KDM2A: variants seen among roughly 807,000 people sequenced by gnomAD.
KDM2A encodes the protein lysine demethylase 2A.
Under a neutral mutation model 137.3 loss-of-function variants are expected in KDM2A, and 3 were observed. The ratio of observed to expected loss-of-function variants is 0.02; its 90% CI spans 0.01 to 0.06. The LOEUF (loss-of-function observed/expected upper bound fraction) is 0.06, where lower values mean the gene tolerates loss of function less well. Ranked by LOEUF, KDM2A falls within the 10% of genes least tolerant of loss-of-function variation. The pLI, the probability that KDM2A is intolerant of heterozygous loss-of-function variation, is 1.00. For missense variants in KDM2A, 738 were observed against 1,510.6 expected (o/e 0.49, Z 8.48); for synonymous variants, 512 against 541.5 (o/e 0.95, Z 0.76).
intron 17 of KDM2A, chr11:67,252,343 C>A (rs1439614230): frequency 6.7e-6 from 2 of 296,548 alleles, no homozygotes; most frequent in Non-Finnish European, 1.3e-5. Flanking sequence ...CCCTTATATA[C>A]ACTTCAGCAG....
At chr11:67,151,437 A>G (rs1049164885) in intron 2 of KDM2A, among the ~76,000 whole-genome samples, 3 of 151,550 alleles carry the variant, frequency 2.0e-5, no homozygotes, top group African/African-American at 4.9e-5. Context: ...CTGGAGTGCA[A>G]TGGTGCCATC....
chr11:67,220,849 T>G (rs949263215), intron 10 of KDM2A, among the ~76,000 whole-genome samples: 1 of 152,132 alleles, frequency 6.6e-6, no homozygotes, highest in Admixed American at 6.5e-5. Context: ...TTCAGATAAC[T>G]TTAACATGTC....
chr11:67,167,454 G>A (rs1856771151), intron 2 of KDM2A, among the ~76,000 whole-genome samples: 1 of 152,152 alleles, frequency 6.6e-6, no homozygotes, highest in Non-Finnish European at 1.5e-5. Flanking sequence ...GTCAGGGTAA[G>A]TGTATCCCGA....
intron 2 of KDM2A, among the ~76,000 whole-genome samples, chr11:67,147,583 C>A (rs1456467762): frequency 6.6e-6 from 1 of 151,260 alleles, no homozygotes; most frequent in African/African-American, 2.4e-5. Context: ...ATTTCAAGAG[C>A]CAGTGAACCT....
chr11:67,121,111 T>G (rs1222924323), intron 1 of KDM2A, 123 bp from the exon 2 acceptor site: 2 of 572,480 alleles, frequency 3.5e-6, no homozygotes, highest in Non-Finnish European at 6.2e-6. Flanking sequence ...GGTCCCAAAC[T>G]CATGAAGAGG....
chr11:67,134,650 A>G (rs1590709766), intron 2 of KDM2A, among the ~76,000 whole-genome samples: 1 of 151,840 alleles, frequency 6.6e-6, no homozygotes, highest in Non-Finnish European at 1.5e-5. Flanking sequence ...GATTACAGGT[A>G]TGCGTCGCCA....
chr11:67,181,146 C>T (rs1857083876), intron 3 of KDM2A, among the ~76,000 whole-genome samples, 174 bp from the exon 4 acceptor site: 1 of 151,998 alleles, frequency 6.6e-6, no homozygotes, highest in African/African-American at 2.4e-5. Flanking sequence ...ATGTGCTCTC[C>T]ATATTTTCTA....
In KDM2A at chr11:67,181,292, T is replaced by C. The variant is rs1237901485; in HGVS notation, c.182-28T>C. ...TTATCGTTTTTAATTATACCACTTATCTTTCTAATATTTTCCTATGGTGAC... is the reference window on the plus strand; with the variant it reads ...TTATCGTTTTTAATTATACCACTTACCTTTCTAATATTTTCCTATGGTGAC... On this transcript the variant is annotated intron_variant, in intron 3 of 20. Transcript: ENST00000529006. The C allele has an allele frequency of 4.1e-6, 6 of 1,469,852 alleles. No individual in the cohort carries two copies. In the African/African-American group the frequency reaches 5.5e-5, roughly 14 times the overall value. 91.1% of individuals were successfully genotyped at this position (1,469,852 alleles called of 1,614,324 possible). A position where few individuals can be genotyped will look rare whatever the true frequency, so the allele number is the denominator to read the frequency against.
rs146209718 is a variant in KDM2A, at chr11:67,195,742, T to TA, written c.308-11767dup. On this transcript the variant is annotated intron_variant, in intron 5 of 20. Transcript: ENST00000529006. ...GTTAGAACTTTAGTTATATTGTACT[T>TA]ATATTCAGTAAAGAAAATACTTAAC... 5.8e-3 allele frequency: 1,084 copies of TA among 186,206 alleles called. 3 individuals carry two copies. Among genetic ancestry groups the TA allele is most frequent in the Non-Finnish European group, 9.8e-3 (829 of 84,346 alleles). 11.5% of individuals were successfully genotyped at this position (186,206 alleles called of 1,614,324 possible).
At chr11:67,221,916 A>G (rs532386117) in intron 10 of KDM2A, among the ~76,000 whole-genome samples, 11 of 151,894 alleles carry the variant, frequency 7.2e-5, no homozygotes, top group Admixed American at 7.2e-4. Flanking sequence ...GCCTGGGTGG[A>G]AGAGTGAGAC....
intron 2 of KDM2A, among the ~76,000 whole-genome samples, chr11:67,148,270 A>T (rs1856301372): frequency 6.6e-6 from 1 of 151,406 alleles, no homozygotes; most frequent in Non-Finnish European, 1.5e-5. Flanking sequence ...AAAAAAAAAA[A>T]TTTAGCTGGG....
intron 2 of KDM2A, among the ~76,000 whole-genome samples, chr11:67,128,254 G>T (rs756058513): frequency 7.9e-5 from 12 of 151,894 alleles, no homozygotes; most frequent in Non-Finnish European, 1.8e-4. Context: ...CCTCTCTCCT[G>T]CCTGGAGGCC....
intron 8 of KDM2A, 86 bp downstream of exon 8, chr11:67,216,035 A>G: frequency 1.0e-6 from 1 of 966,962 alleles, no homozygotes; most frequent in South Asian, 1.3e-5. Context: ...TATACCCTGG[A>G]AATGAATCTG....
intron 2 of KDM2A, among the ~76,000 whole-genome samples, chr11:67,160,122 G>C (rs964748898): frequency 6.6e-6 from 1 of 152,232 alleles, no homozygotes; most frequent in Admixed American, 6.5e-5. Flanking sequence ...CAGGCTTCCT[G>C]TTGGTCTATT....
intron 5 of KDM2A, among the ~76,000 whole-genome samples, chr11:67,195,095 C>T (rs909526768): frequency 6.6e-6 from 1 of 152,110 alleles, no homozygotes; most frequent in Non-Finnish European, 1.5e-5. Flanking sequence ...ATTTGCAGCT[C>T]ATTTCTTGTC....
chr11:67,160,953 ATAAT>A (rs905688473), intron 2 of KDM2A, among the ~76,000 whole-genome samples: 2 of 152,220 alleles, frequency 1.3e-5, no homozygotes, highest in African/African-American at 4.8e-5. Context: ...AAATAAATAA[ATAAT>A]TAATGAACAA....
intron 5 of KDM2A, among the ~76,000 whole-genome samples, chr11:67,201,234 G>A (rs866809901): frequency 1.5e-4 from 22 of 145,670 alleles, no homozygotes; most frequent in East Asian, 9.8e-4. Flanking sequence ...GTGTGTGTGT[G>A]TATATATATA....
intron 18 of KDM2A, among the ~76,000 whole-genome samples, chr11:67,253,196 C>T (rs1859489704): frequency 6.6e-6 from 1 of 152,170 alleles, no homozygotes; most frequent in Non-Finnish European, 1.5e-5. Flanking sequence ...TTCTCTTCAG[C>T]ATTTTGAGCT....
In KDM2A at chr11:67,133,244, C is replaced by T. The variant is rs144345115; in HGVS notation, c.42+11886C>T. Among the ~76,000 whole-genome samples the T allele has an allele frequency of 6.1e-3, 930 of 152,144 alleles. 11 individuals are homozygous for T. The highest frequency in any genetic ancestry group is 0.052 in the East Asian group (267 of 5,176). ...CCTCCCAGGTAGCTGGGATTACAGG[C>T]GTGCGCCACCACACTGCGCTAATTT... On this transcript the variant is annotated intron_variant, in intron 2 of 20. Coordinates refer to ENST00000529006, the MANE Select transcript of KDM2A (RefSeq NM_012308.3).
Sources: gnomAD v4.1 joint callset for allele counts (sites outside exome capture counted in the v4.1 genomes callset) on GRCh38, gnomAD v4.1.1 for gene constraint, MANE v1.5 for transcripts, NCBI Gene and HGNC (gene_info 2026-07-23, HGNC 2026-07-21) for gene names.